The following PTPN1 variants were observed in gnomAD, a reference collection of about 807,000 sequenced individuals.
PTPN1 encodes tyrosine-protein phosphatase non-receptor type 1.
PTPN1 carries 12 observed loss-of-function variants against 59.9 expected under a neutral mutation model. The ratio of observed to expected loss-of-function variants is 0.20; its 90% CI spans 0.13 to 0.32. PTPN1 has a LOEUF of 0.32. Ranked by LOEUF, PTPN1 falls within the 10% of genes least tolerant of loss-of-function variation. The pLI is 1.00. For missense variants in PTPN1, 356 were observed against 549.2 expected (o/e 0.65, Z 3.52); for synonymous variants, 178 against 203.6 (o/e 0.87, Z 1.07).
chr20:50,523,029 G>C lies in PTPN1; in HGVS notation c.63+12439G>C, dbSNP rs112060014. Among the ~76,000 whole-genome samples, 799 of 151,904 alleles carry C rather than the reference G, an allele frequency of 5.3e-3. 11 individuals carry two copies. Among genetic ancestry groups the C allele is most frequent in the African/African-American group, 0.018 (759 of 41,370 alleles). ...GATCCATCCACCTCGGCCTCCCAAA[G>C]TGTTGGGATTACAGGCATCAGCCAC... On this transcript the variant is annotated intron_variant, in intron 1 of 9. Transcript: ENST00000371621.
intron 1 of PTPN1, among the ~76,000 whole-genome samples, chr20:50,526,768 G>A (rs148889038): frequency 6.6e-6 from 1 of 151,974 alleles, no homozygotes; most frequent in African/African-American, 2.4e-5. Context: ...ATGCATCTGA[G>A]ACTGTGGTCA....
intron 1 of PTPN1, chr20:50,557,796 G>A (rs1253132631): frequency 6.6e-6 from 1 of 152,270 alleles, no homozygotes; most frequent in African/African-American, 2.4e-5. Flanking sequence ...ACCTGGACCA[G>A]TTCACCCCTT....
chr20:50,565,016 A>G lies in PTPN1; in HGVS notation c.202A>G (p.Asn68Asp). The G allele has an allele frequency of 6.2e-7, 1 of 1,613,498 alleles. No homozygotes were observed. Among genetic ancestry groups the G allele is most frequent in the Non-Finnish European group, 8.5e-7 (1 of 1,179,894 alleles). Residue 68 changes from asparagine to aspartate, a missense_variant, in exon 3 of 10, where the codon AAC (asparagine) becomes GAC (aspartate). Around this residue, in one of 3 missense-constraint regions of PTPN1, gnomAD observed 194 missense variants for 344.2 expected, o/e 0.56. Coordinates refer to ENST00000371621, the MANE Select transcript of PTPN1 (RefSeq NM_002827.4). ...KLHQEDNDYI[N>D]ASLIKMEEAQ... is the part of the protein sequence containing the mutation. ...ACATCAAGAAGATAATGACTATATC[A>G]ACGCTAGTTTGATAAAAATGGAAGA...
chr20:50,554,427 G>T (rs940100773), intron 1 of PTPN1, among the ~76,000 whole-genome samples: 5 of 109,806 alleles, frequency 4.6e-5, no homozygotes, highest in African/African-American at 7.2e-5. Flanking sequence ...GTGAAATAAC[G>T]ACTTATTTGG....
intron 4 of PTPN1, chr20:50,573,489 C>T (rs762088180): frequency 1.3e-5 from 2 of 152,290 alleles, no homozygotes; most frequent in Non-Finnish European, 2.9e-5. Context: ...ACAGCAGTGT[C>T]TTCTGACAGA....
intron 1 of PTPN1, among the ~76,000 whole-genome samples, chr20:50,543,519 G>A (rs2122753834): frequency 6.6e-6 from 1 of 152,280 alleles, no homozygotes; most frequent in East Asian, 1.9e-4. Context: ...GTTACTATTT[G>A]AATTTCGGGA....
At position 50,581,376 on chromosome 20, in the gene PTPN1, C is replaced by A; in HGVS notation, c.1200C>A (p.Asp400Glu). The A allele has an allele frequency of 6.2e-7, 1 of 1,614,152 alleles. No individual in the cohort carries two copies. Among genetic ancestry groups the A allele is most frequent in the Non-Finnish European group, 8.5e-7 (1 of 1,179,990 alleles). ...CGTCACTGCCCGAGAAGGACGAGGA[C>A]CATGCACTGAGTTACTGGAAGCCCT... ...GEPSLPEKDE[D>E]HALSYWKPFL... The change falls in exon 9 of 10, where the codon GAC (aspartate) becomes GAA (glutamate). Residue 400 changes from aspartate (D) to glutamate (E), a missense_variant. Transcript: ENST00000371621.
intron 1 of PTPN1, among the ~76,000 whole-genome samples, chr20:50,517,222 T>G (rs181795519): frequency 1.6e-3 from 237 of 152,342 alleles, no homozygotes; most frequent in African/African-American, 5.5e-3. Flanking sequence ...TACCAAGTAC[T>G]TATAAATGAT....
chr20:50,561,525 C>T lies in PTPN1; in HGVS notation c.154+72C>T, dbSNP rs138068880. 1.2e-3 allele frequency: 1,129 copies of T among 935,104 alleles called. 5 individuals carry two copies. Among genetic ancestry groups the T allele is most frequent in the African/African-American group, 5.2e-3 (309 of 59,818 alleles). The allele number at this position is 935,104 out of a possible 1,614,324, so 57.9% of individuals were successfully genotyped here. ...AGGCCTTTTTAGTCAAGACTCCTTT[C>T]GCCTCAGGGTTTAGTATAATAATAA... On this transcript the variant is annotated intron_variant, in intron 2 of 9. Transcript: ENST00000371621.
Position 50,572,291 on chromosome 20 carries a change from A to G in PTPN1, c.355-2226A>G, listed in dbSNP as rs77051237. 6 of 152,354 alleles carry G rather than the reference A, an allele frequency of 3.9e-5. No individual in the cohort carries two copies. The East Asian group carries it at 1.2e-3, about 29-fold the overall frequency. 9.4% of individuals were successfully genotyped at this position (152,354 alleles called of 1,614,324 possible). On this transcript the variant is annotated intron_variant, in intron 4 of 9. Transcript: ENST00000371621. ...TCTACTTTTCATGGCCGTATATATC[A>G]ATGTAATAGGGTAACTGGAAATGTG... is the stretch of plus-strand genomic sequence containing the variant.
At position 50,570,246 on chromosome 20, in the gene PTPN1, C is replaced by T. The variant is rs78415109; in HGVS notation, c.354+1768C>T. ...ACACAAAGAAACGGCTTTAGTTACT[C>T]GCAGAAAGTCTTCCTCTTAGGACAG... is the stretch of plus-strand genomic sequence containing the variant. On this transcript the variant is annotated intron_variant, in intron 4 of 9. Coordinates refer to ENST00000371621, the MANE Select transcript of PTPN1 (RefSeq NM_002827.4). 9.6e-3 allele frequency among the ~76,000 whole-genome samples: 1,456 copies of T among 152,290 alleles called. 27 individuals are homozygous for T. Among genetic ancestry groups the T allele is most frequent in the African/African-American group, 0.033 (1,352 of 41,546 alleles).
At chr20:50,512,914 G>A (rs1035005854) in intron 1 of PTPN1, among the ~76,000 whole-genome samples, 1 of 152,184 alleles carries the variant, frequency 6.6e-6, no homozygotes, top group African/African-American at 2.4e-5. Flanking sequence ...AATGAGGGCA[G>A]CCTTATACAA....
In PTPN1 at chr20:50,579,789, G is replaced by A. The variant is rs1050486363; in HGVS notation, c.951G>A (p.Leu317=). Residue 317 remains leucine (L), a synonymous_variant, in exon 8 of 10, where the codon CTG becomes CTA. Transcript: ENST00000371621. ...PPPPRPPKRI[L]EPHNGKCREF... ...CTCCCCGGCCACCCAAACGAATCCTGGAGCCACACAATGGGAAATGCAGGG... is the reference window on the plus strand; with the variant it reads ...CTCCCCGGCCACCCAAACGAATCCTAGAGCCACACAATGGGAAATGCAGGG... The A allele has an allele frequency of 6.8e-6, 11 of 1,613,878 alleles. No individual in the cohort carries two copies. Among genetic ancestry groups the A allele is most frequent in the East Asian group, 2.2e-5 (1 of 44,882 alleles).
intron 4 of PTPN1, chr20:50,572,984 C>A (rs1420198514): frequency 6.6e-6 from 1 of 152,202 alleles, no homozygotes; most frequent in Non-Finnish European, 1.5e-5. Flanking sequence ...GGCTTGTGTC[C>A]AGACTCTTGA....
At chr20:50,579,418 C>T (rs533530796) in intron 7 of PTPN1, 89 bp downstream of exon 7, 10 of 1,411,338 alleles carry the variant, frequency 7.1e-6, no homozygotes, top group East Asian at 4.6e-5. Flanking sequence ...GTTCAAACAC[C>T]GTCTGGTGTC....
chr20:50,564,841 C>T, intron 2 of PTPN1, 128 bp from the exon 3 acceptor site: 2 of 1,417,802 alleles, frequency 1.4e-6, no homozygotes, highest in Non-Finnish European at 1.9e-6. Context: ...TCAACTAAAA[C>T]AGGGCTTCAG....
At chr20:50,534,224 G>A (rs1219270830) in intron 1 of PTPN1, among the ~76,000 whole-genome samples, 1 of 152,156 alleles carries the variant, frequency 6.6e-6, no homozygotes, top group Non-Finnish European at 1.5e-5. Flanking sequence ...GCACCCGGCC[G>A]AAGCTGTCAT....
intron 1 of PTPN1, among the ~76,000 whole-genome samples, chr20:50,532,335 G>C (rs183629014): frequency 9.8e-5 from 15 of 152,324 alleles, no homozygotes; most frequent in Admixed American, 8.5e-4. Context: ...ATTATTTACA[G>C]AGTGTCCCCT....
At chr20:50,561,586 C>T (rs1258218182) in intron 2 of PTPN1, 133 bp downstream of exon 2, 1 of 553,044 alleles carries the variant, frequency 1.8e-6, no homozygotes, top group African/African-American at 1.9e-5. Context: ...CGATTGTTTC[C>T]TATAGTAAAG....
Sources: allele counts gnomAD v4.1 joint callset (sites outside exome capture counted in the v4.1 genomes callset), GRCh38; gene constraint gnomAD v4.1.1; regional missense constraint gnomAD v4.1.1; transcripts MANE v1.5; gene names NCBI Gene and HGNC (gene_info 2026-07-23, HGNC 2026-07-21).